CCDC7: variants seen among roughly 807,000 people sequenced by gnomAD.
The protein encoded by CCDC7 is coiled-coil domain-containing protein 7.
A neutral mutation model predicts 196.9 loss-of-function variants in CCDC7; 183 were observed. That is an observed-to-expected ratio of 0.93 (90% CI 0.82 to 1.05). The LOEUF (loss-of-function observed/expected upper bound fraction) is 1.05. Among genes scored for constraint, CCDC7 ranks in the 50% least tolerant of loss-of-function variants. The pLI is 0.00. For missense variants in CCDC7, 1,540 were observed against 1,482.2 expected, an observed-to-expected ratio of 1.04 and a Z score of -0.64; for synonymous variants, 525 against 484.6, an observed-to-expected ratio of 1.08 and a Z score of -1.10.
intron 20 of CCDC7, among the ~76,000 whole-genome samples, chr10:32,662,503 G>C (rs1424613638): frequency 6.6e-6 from 1 of 152,266 alleles, no homozygotes; most frequent in African/African-American, 2.4e-5. Context: ...TTGGACTGTA[G>C]TGGGGCTCTG....
intron 24 of CCDC7, among the ~76,000 whole-genome samples, chr10:32,698,927 G>A (rs951733710): frequency 6.6e-6 from 1 of 152,178 alleles, no homozygotes; most frequent in African/African-American, 2.4e-5. Flanking sequence ...TTGAAATGAA[G>A]GGAAAAATGT....
rs547157706 is a variant in CCDC7 at position 32,519,452 on chromosome 10, G to A, written c.993+947G>A. Among the ~76,000 whole-genome samples, 1,205 of 152,220 alleles carry A rather than the reference G, an allele frequency of 7.9e-3. 7 individuals carry two copies. The highest frequency in any genetic ancestry group is 0.02 in the Middle Eastern group (6 of 294). On this transcript the variant is annotated intron_variant, in intron 11 of 41. Transcript: ENST00000639629. ...GTGTTTTGTCTCTAATTCTGCTCTA[G>A]AGAGCAATGGTTTTTGCATGAACTT... is the stretch of plus-strand genomic sequence containing the variant.
chr10:32,450,350 A>G (rs2032708830), upstream of CCDC7, among the ~76,000 whole-genome samples: 1 of 152,180 alleles, frequency 6.6e-6, no homozygotes, highest in Non-Finnish European at 1.5e-5. Flanking sequence ...GTATGACCAC[A>G]TCTTAACTTT....
At chr10:32,466,393 A>G (rs1327006093) in intron 5 of CCDC7, among the ~76,000 whole-genome samples, 1 of 152,028 alleles carries the variant, frequency 6.6e-6, no homozygotes. Flanking sequence ...AGTACCCAAC[A>G]GTTATCTTTT....
intron 18 of CCDC7, among the ~76,000 whole-genome samples, chr10:32,597,060 G>A (rs2060454824): frequency 6.6e-6 from 1 of 152,154 alleles, no homozygotes; most frequent in Non-Finnish European, 1.5e-5. Flanking sequence ...TCCCGAATTT[G>A]AATGTTGGCC....
intron 9 of CCDC7, among the ~76,000 whole-genome samples, chr10:32,505,959 G>C (rs1333875605): frequency 1.3e-5 from 2 of 149,870 alleles, no homozygotes; most frequent in Admixed American, 6.6e-5. Context: ...CAGACGGGGC[G>C]GCCGGGCAGA....
At chr10:32,544,118 C>T in intron 12 of CCDC7, 129 bp from the exon 14 acceptor site, 1 of 709,708 alleles carries the variant, frequency 1.4e-6, no homozygotes, top group Non-Finnish European at 2.2e-6. Context: ...TTTTATGTCT[C>T]TTAGAAATAT....
At chr10:32,880,853 T>C (rs1565802318), downstream of CCDC7, among the ~76,000 whole-genome samples, 1 of 152,194 alleles carries the variant, frequency 6.6e-6, no homozygotes, top group Non-Finnish European at 1.5e-5. Flanking sequence ...TGTAGATGTG[T>C]GGTCTTAGTT....
chr10:32,461,206 T>C (rs1296249297), intron 3 of CCDC7, among the ~76,000 whole-genome samples: 1 of 152,154 alleles, frequency 6.6e-6, no homozygotes, highest in Non-Finnish European at 1.5e-5. Flanking sequence ...AAACCCATCA[T>C]AAGTTGAATT....
At chr10:32,576,997 A>G (rs182044680) in intron 16 of CCDC7, among the ~76,000 whole-genome samples, 36 of 152,270 alleles carry the variant, frequency 2.4e-4, no homozygotes, top group African/African-American at 8.4e-4. Context: ...CATAGAATAT[A>G]AGAATTGAGC....
chr10:32,704,978 C>T (rs991372289), intron 24 of CCDC7, among the ~76,000 whole-genome samples: 16 of 152,102 alleles, frequency 1.1e-4, no homozygotes, highest in African/African-American at 2.9e-4. Context: ...GGCGATGCCT[C>T]GCCCTGCTTC....
chr10:32,631,404 C>G (rs2064839032), intron 18 of CCDC7, among the ~76,000 whole-genome samples: 3 of 152,074 alleles, frequency 2.0e-5, no homozygotes, highest in African/African-American at 7.2e-5. Flanking sequence ...TTTGAAAATA[C>G]TATTTTCTCC....
chr10:32,476,957 C>T (rs961016998), intron 8 of CCDC7, among the ~76,000 whole-genome samples: 2 of 152,014 alleles, frequency 1.3e-5, no homozygotes, highest in Non-Finnish European at 2.9e-5. Flanking sequence ...GGATACAAGC[C>T]TTGTATCAGA....
At chr10:32,451,223 T>C (rs1054534975), upstream of CCDC7, among the ~76,000 whole-genome samples, 1 of 152,204 alleles carries the variant, frequency 6.6e-6, no homozygotes, top group Non-Finnish European at 1.5e-5. Flanking sequence ...TAACACTTAC[T>C]AGCTGTGTGA....
intron 11 of CCDC7, among the ~76,000 whole-genome samples, chr10:32,528,218 A>G (rs535959637): frequency 6.6e-6 from 1 of 152,110 alleles, no homozygotes; most frequent in South Asian, 2.1e-4. Flanking sequence ...TTATGGCTGA[A>G]TGGCTGAATA....
chr10:32,608,804 G>A (rs929919339), intron 18 of CCDC7, among the ~76,000 whole-genome samples: 2 of 152,144 alleles, frequency 1.3e-5, no homozygotes, highest in Non-Finnish European at 2.9e-5. Context: ...ACCTTCCAAA[G>A]TGCTGGGATT....
rs1252186789 is a variant in CCDC7, at chr10:32,758,670, C to G, written c.2906-20307C>G. Reference sequence around the variant, plus strand: ...GAATGGGCAAAAACTGGAAGCATTCCCTTTGAAAACTGGCACAAGACAGGG... The same window carrying G: ...GAATGGGCAAAAACTGGAAGCATTCGCTTTGAAAACTGGCACAAGACAGGG... On this transcript the variant is annotated intron_variant, in intron 28 of 41. Coordinates refer to ENST00000639629, the Ensembl canonical transcript of CCDC7. Among the ~76,000 whole-genome samples, 4 of 152,116 alleles carry G rather than the reference C, an allele frequency of 2.6e-5. No individual in the cohort carries two copies. The East Asian group carries it at 7.7e-4, about 29-fold the overall frequency.
intron 24 of CCDC7, among the ~76,000 whole-genome samples, chr10:32,697,161 A>T (rs973814177): frequency 6.6e-6 from 1 of 152,216 alleles, no homozygotes; most frequent in Non-Finnish European, 1.5e-5. Context: ...AAAGACAGTG[A>T]CAGATCATCA....
At chr10:32,817,595 A>G (rs1357868772) in intron 31 of CCDC7, among the ~76,000 whole-genome samples, 27 of 152,090 alleles carry the variant, frequency 1.8e-4, no homozygotes, top group African/African-American at 5.8e-4. Flanking sequence ...GAGAAAGGTC[A>G]GGTTACCCAC....
Sources: allele counts gnomAD v4.1 joint callset (sites outside exome capture counted in the v4.1 genomes callset), GRCh38; gene constraint gnomAD v4.1.1; transcripts MANE v1.5; gene names NCBI Gene and HGNC (gene_info 2026-07-23, HGNC 2026-07-21).